Variants in ASIC2 observed in about 807,000 individuals in gnomAD.
The protein encoded by ASIC2 is acid sensing ion channel subunit 2.
A neutral mutation model predicts 57.3 loss-of-function variants in ASIC2; 25 were observed. The observed-to-expected ratio is 0.44, with a 90% CI of 0.32 to 0.61. The LOEUF is 0.61. ASIC2 is among the 20% of genes least tolerant of loss of function. ASIC2 has a pLI of 0.06. For synonymous variants in ASIC2, 319 were observed against 307.5 expected (o/e 1.04, Z -0.39); for missense variants, 641 against 738.1 (o/e 0.87, Z 1.52).
chr17:33,207,186 C>T (rs911315405), intron 1 of ASIC2, among the ~76,000 whole-genome samples: 3 of 152,212 alleles, frequency 2.0e-5, no homozygotes, highest in African/African-American at 7.2e-5. Flanking sequence ...TTAAGCGATT[C>T]ATTTAGTGCG....
At chr17:33,553,293 G>T (rs1915805228) in intron 1 of ASIC2, among the ~76,000 whole-genome samples, 1 of 152,016 alleles carries the variant, frequency 6.6e-6, no homozygotes, top group Non-Finnish European at 1.5e-5. Context: ...GGTTTATTTT[G>T]GGCTTTAGAA....
At chr17:33,371,470 A>G (rs1909056861) in intron 1 of ASIC2, among the ~76,000 whole-genome samples, 1 of 152,210 alleles carries the variant, frequency 6.6e-6, no homozygotes, top group African/African-American at 2.4e-5. Flanking sequence ...ACAAAAAATA[A>G]TTGAGCTCTT....
intron 1 of ASIC2, chr17:34,039,663 A>C (rs1268600105): frequency 6.2e-7 from 1 of 1,612,620 alleles, no homozygotes; most frequent in Non-Finnish European, 8.5e-7. Flanking sequence ...GGCTACTTTC[A>C]TATGGTTCAG....
chr17:33,318,357 A>G (rs2142212720), intron 1 of ASIC2, among the ~76,000 whole-genome samples: 1 of 152,246 alleles, frequency 6.6e-6, no homozygotes, highest in South Asian at 2.1e-4. Context: ...AGCCTGTCTT[A>G]CCATGGAACT....
chr17:33,616,939 G>T (rs926406952), intron 1 of ASIC2, among the ~76,000 whole-genome samples: 7 of 152,140 alleles, frequency 4.6e-5, no homozygotes, highest in African/African-American at 1.7e-4. Context: ...TCCACATTTT[G>T]TGAAAAACAA....
At chr17:33,199,975 C>T (rs1906791906) in intron 1 of ASIC2, among the ~76,000 whole-genome samples, 1 of 152,140 alleles carries the variant, frequency 6.6e-6, no homozygotes, top group African/African-American at 2.4e-5. Flanking sequence ...CCTTGCTGTT[C>T]CATGGGCACT....
intron 1 of ASIC2, among the ~76,000 whole-genome samples, chr17:34,121,942 C>T (rs1407531057): frequency 1.3e-5 from 2 of 152,180 alleles, no homozygotes; most frequent in Non-Finnish European, 2.9e-5. Flanking sequence ...CTATGATGCC[C>T]TTCTCTGCAC....
At chr17:33,735,654 G>A (rs918428042) in intron 1 of ASIC2, among the ~76,000 whole-genome samples, 4 of 152,074 alleles carry the variant, frequency 2.6e-5, no homozygotes, top group African/African-American at 9.7e-5. Flanking sequence ...AATGGTGTCT[G>A]GTGAAGCCCC....
intron 3 of ASIC2, among the ~76,000 whole-genome samples, chr17:33,056,634 G>C (rs2091999248): frequency 6.6e-6 from 1 of 152,304 alleles, no homozygotes; most frequent in South Asian, 2.1e-4. Flanking sequence ...AAGTTTACTG[G>C]CCAGCGAATG....
chr17:34,025,193 C>T (rs748471038), intron 1 of ASIC2, among the ~76,000 whole-genome samples: 2 of 152,220 alleles, frequency 1.3e-5, no homozygotes, highest in Non-Finnish European at 2.9e-5. Flanking sequence ...TTCTGAGCCC[C>T]TGAGTCTTTG....
intron 1 of ASIC2, among the ~76,000 whole-genome samples, chr17:33,451,800 G>A (rs527901676): frequency 1.3e-5 from 2 of 152,260 alleles, no homozygotes; most frequent in South Asian, 4.2e-4. Context: ...GACCTAGTTT[G>A]TTCTATACCC....
At chr17:33,354,452 C>A (rs1331242630) in intron 1 of ASIC2, among the ~76,000 whole-genome samples, 1 of 152,146 alleles carries the variant, frequency 6.6e-6, no homozygotes, top group Non-Finnish European at 1.5e-5. Flanking sequence ...AGCTATCCCC[C>A]ACATAAGATC....
chr17:33,445,111 A>G (rs1284761936), intron 1 of ASIC2, among the ~76,000 whole-genome samples: 2 of 152,170 alleles, frequency 1.3e-5, no homozygotes, highest in Admixed American at 1.3e-4. Context: ...CTCCTAAAGC[A>G]TGATAATGTG....
rs1413029035 is a variant in ASIC2 at position 33,150,844 on chromosome 17, C to T, written c.709-38777G>A. ...CAGCCTGGGCGACAGAGCGAGACTC[C>T]GTCTCAAAAAAAAAAAAAAAAAAAA... On this transcript the variant is annotated intron_variant, in intron 1 of 9. Transcript: ENST00000225823. Among the ~76,000 whole-genome samples the T allele has an allele frequency of 4.4e-4, 11 of 25,116 alleles. 1 individual carries two copies. Among genetic ancestry groups the T allele is most frequent in the African/African-American group, 8.4e-4 (3 of 3,566 alleles). The allele number at this position is 25,116 out of a possible 152,430, so 16.5% of individuals were successfully genotyped here.
chr17:33,554,867 C>T (rs12950013), intron 1 of ASIC2, among the ~76,000 whole-genome samples: 69,624 of 151,858 alleles, frequency 0.46, 16,114 homozygotes, highest in South Asian at 0.53. Context: ...GACTGAAACA[C>T]ATCTGAAATG....
chr17:34,121,087 G>T (rs1250153678), intron 1 of ASIC2, among the ~76,000 whole-genome samples: 1 of 152,078 alleles, frequency 6.6e-6, no homozygotes, highest in Non-Finnish European at 1.5e-5. Flanking sequence ...GGGAGAAACA[G>T]CCATGTGACA....
chr17:33,622,950 G>A (rs1905846617), intron 1 of ASIC2, among the ~76,000 whole-genome samples: 1 of 152,176 alleles, frequency 6.6e-6, no homozygotes. Flanking sequence ...AGAAGTTGGG[G>A]CCTCTGGCAC....
intron 2 of ASIC2, among the ~76,000 whole-genome samples, chr17:33,111,258 C>T (rs2092256950): frequency 6.6e-6 from 1 of 152,242 alleles, no homozygotes; most frequent in African/African-American, 2.4e-5. Context: ...GTCTCTTCCT[C>T]TGGGCCGTGA....
At chr17:33,906,814 G>A (rs1052450198) in intron 1 of ASIC2, among the ~76,000 whole-genome samples, 3 of 152,174 alleles carry the variant, frequency 2.0e-5, no homozygotes, top group African/African-American at 7.2e-5. Flanking sequence ...ATCTTAACGA[G>A]GAGGCTGAGC....
Sources: gnomAD v4.1 joint callset for allele counts (sites outside exome capture counted in the v4.1 genomes callset) on GRCh38, gnomAD v4.1.1 for gene constraint, MANE v1.5 for transcripts, NCBI Gene and HGNC (gene_info 2026-07-23, HGNC 2026-07-21) for gene names.